The following YWHAZ variants were observed in gnomAD, a reference collection of about 807,000 sequenced individuals.
YWHAZ encodes the protein tyrosine 3-monooxygenase/tryptophan 5-monooxygenase activation protein zeta, also known as 14-3-3 protein zeta/delta.
For synonymous variants in YWHAZ, 87 were observed against 103.6 expected (o/e 0.84, Z 0.97); for missense variants, 79 against 284.8 (o/e 0.28, Z 5.20).
At chr8:100,950,578 C>A (rs1028520009) in intron 1 of YWHAZ, 44 of 985,384 alleles carry the variant, frequency 4.5e-5, no homozygotes, top group Middle Eastern at 1.0e-3. Context: ...TGTCAGGGAG[C>A]CCAACCTACT....
In YWHAZ at chr8:100,948,514, C is replaced by G; in HGVS notation, c.294+82G>C. The G allele has an allele frequency of 6.9e-7, 1 of 1,452,274 alleles. No individual in the cohort carries two copies. Among genetic ancestry groups the G allele is most frequent in the Non-Finnish European group, 9.2e-7 (1 of 1,081,762 alleles). 90.0% of individuals were successfully genotyped at this position (1,452,274 alleles called of 1,614,324 possible). On this transcript the variant is annotated intron_variant, in intron 2 of 5. Coordinates refer to ENST00000395958, the MANE Select transcript of YWHAZ (RefSeq NM_145690.3). The surrounding 1 kb of genome is among the most constrained non-coding windows in gnomAD (Gnocchi z 4.2). ...ACAATGTTTAGAAGGAAAAGAAAAA[C>G]CAAACAAAAAGTTAAGAGTAATGTA...
At chr8:100,951,517 A>G in intron 1 of YWHAZ, 2 of 985,188 alleles carry the variant, frequency 2.0e-6, no homozygotes, top group Admixed American at 6.2e-5. Flanking sequence ...GGAAGCGAGA[A>G]GGGCGGCGAG....
At chr8:100,947,965 C>T in intron 2 of YWHAZ, 4 of 641,072 alleles carry the variant, frequency 6.2e-6, no homozygotes, top group Non-Finnish European at 9.9e-6. Flanking sequence ...CTTTTAAGCG[C>T]AGTGCTTCAA....
At chr8:100,950,059 C>T (rs1448144835) in intron 1 of YWHAZ, among the ~76,000 whole-genome samples, 1 of 152,164 alleles carries the variant, frequency 6.6e-6, no homozygotes, top group Non-Finnish European at 1.5e-5. Context: ...CCAGGGAAAT[C>T]CCACAATATT....
chr8:100,949,609 A>G (rs1298737485), intron 1 of YWHAZ, among the ~76,000 whole-genome samples: 2 of 152,332 alleles, frequency 1.3e-5, no homozygotes, highest in Admixed American at 6.5e-5. Context: ...TGCTTTAAAA[A>G]TATCCGCAAG....
intron 2 of YWHAZ, among the ~76,000 whole-genome samples, chr8:100,935,490 G>GT (rs1248317024): frequency 2.6e-5 from 4 of 152,160 alleles, no homozygotes; most frequent in African/African-American, 9.7e-5. Flanking sequence ...ATATTCTGCT[G>GT]TAAGAGACAC....
At position 100,918,688 on chromosome 8, in the gene YWHAZ, G is replaced by A. The variant is rs1812826490; in HGVS notation, c.*2005C>T. On this transcript the variant is annotated 3_prime_UTR_variant, in exon 6 of 6. Transcript: ENST00000395958. ...AAACAAGCAACAAAACAGTGTTTGG[G>A]ATTTCAGTTTCTCACCCTTATCATC... 3 of 152,050 alleles carry A rather than the reference G, an allele frequency of 2.0e-5. No individual in the cohort carries two copies. The highest frequency in any genetic ancestry group is 6.6e-5 in the Admixed American group (1 of 15,234). The allele number at this position is 152,050 out of a possible 1,614,324, so 9.4% of individuals were successfully genotyped here. A position where few individuals can be genotyped will look rare whatever the true frequency, so the allele number is the denominator to read the frequency against.
At chr8:100,926,492 G>A (rs1388281037) in intron 2 of YWHAZ, among the ~76,000 whole-genome samples, 2 of 152,282 alleles carry the variant, frequency 1.3e-5, no homozygotes, top group East Asian at 3.9e-4. Context: ...TTAGCCAGGC[G>A]TGGTGACGGG....
chr8:100,923,734 A>G (rs766620216), intron 5 of YWHAZ: 3 of 394,182 alleles, frequency 7.6e-6, no homozygotes, highest in Admixed American at 4.1e-5. Flanking sequence ...AAGACAGGTA[A>G]CTCATCAATG....
At chr8:100,952,164 G>A, upstream of YWHAZ, 1 of 985,250 alleles carries the variant, frequency 1.0e-6, no homozygotes, top group Non-Finnish European at 1.2e-6. Context: ...ACAGCGATCG[G>A]GGCCCCGCGT....
intron 2 of YWHAZ, among the ~76,000 whole-genome samples, chr8:100,930,066 C>T (rs1217754144): frequency 6.6e-6 from 1 of 152,124 alleles, no homozygotes; most frequent in Non-Finnish European, 1.5e-5. Flanking sequence ...GGAGTGGGCA[C>T]ACCATAATAT....
At chr8:100,944,848 G>C (rs1021762626) in intron 2 of YWHAZ, among the ~76,000 whole-genome samples, 5 of 152,164 alleles carry the variant, frequency 3.3e-5, no homozygotes, top group African/African-American at 1.2e-4. Context: ...CAGAGGGACT[G>C]AGTGATTTCC....
chr8:100,941,037 AC>A (rs139648356), intron 2 of YWHAZ, among the ~76,000 whole-genome samples: 17,491 of 152,208 alleles, frequency 0.11, 2,181 homozygotes, highest in African/African-American at 0.31. Context: ...CGTTACTCTT[AC>A]AAAAAGCAGA....
At chr8:100,926,119 T>C (rs1390133486) in intron 2 of YWHAZ, among the ~76,000 whole-genome samples, 1 of 152,046 alleles carries the variant, frequency 6.6e-6, no homozygotes, top group Non-Finnish European at 1.5e-5. Context: ...TGCTTTTAAA[T>C]GGTAACTCCA....
At chr8:100,921,218 G>A (rs1813003341) in intron 5 of YWHAZ, among the ~76,000 whole-genome samples, 1 of 152,106 alleles carries the variant, frequency 6.6e-6, no homozygotes, top group Admixed American at 6.5e-5. Context: ...ATTTTTAGGA[G>A]AGACGGGGTT....
chr8:100,942,969 GC>G (rs1357652750), intron 2 of YWHAZ, among the ~76,000 whole-genome samples: 2 of 152,194 alleles, frequency 1.3e-5, no homozygotes, highest in Non-Finnish European at 2.9e-5. Context: ...TTGGCAATGT[GC>G]ACTTTTCTGA....
At chr8:100,946,161 G>A (rs1810249657) in intron 2 of YWHAZ, among the ~76,000 whole-genome samples, 1 of 152,152 alleles carries the variant, frequency 6.6e-6, no homozygotes, top group South Asian at 2.1e-4. Flanking sequence ...TTTATATGAA[G>A]AGATTATCTT....
At chr8:100,939,569 G>T (rs1266360015) in intron 2 of YWHAZ, among the ~76,000 whole-genome samples, 1 of 152,046 alleles carries the variant, frequency 6.6e-6, no homozygotes, top group Non-Finnish European at 1.5e-5. Context: ...CGAGGCAGGA[G>T]AATCGCTTGA....
In YWHAZ at chr8:100,920,442, T is replaced by C. The variant is rs191185043; in HGVS notation, c.*251A>G. 3 of 525,726 alleles carry C rather than the reference T, an allele frequency of 5.7e-6. No individual in the cohort carries two copies. Among genetic ancestry groups the C allele is most frequent in the East Asian group, 3.4e-5 (1 of 29,248 alleles). 32.6% of individuals were successfully genotyped at this position (525,726 alleles called of 1,614,324 possible). A position where few individuals can be genotyped will look rare whatever the true frequency, so the allele number is the denominator to read the frequency against. On this transcript the variant is annotated 3_prime_UTR_variant, in exon 6 of 6. Coordinates refer to ENST00000395958, the MANE Select transcript of YWHAZ (RefSeq NM_145690.3). Reference sequence around the variant, plus strand: ...CCAAAAGTACTATGCCAAACACTTATAACTTGTATAAAAATTCCACATCCC... The same window carrying C: ...CCAAAAGTACTATGCCAAACACTTACAACTTGTATAAAAATTCCACATCCC...
Sources: gnomAD v4.1 joint callset for allele counts (sites outside exome capture counted in the v4.1 genomes callset) on GRCh38, gnomAD v4.1.1 for gene constraint, Gnocchi (gnomAD v3.1) non-coding constraint, MANE v1.5 for transcripts, NCBI Gene and HGNC (gene_info 2026-07-23, HGNC 2026-07-21) for gene names.